TTLL11: variants seen among roughly 807,000 people sequenced by gnomAD.
TTLL11 encodes tubulin polyglutamylase TTLL11.
A neutral mutation model predicts 51.7 loss-of-function variants in TTLL11; 42 were observed. The ratio of observed to expected loss-of-function variants is 0.81; its 90% confidence interval spans 0.64 to 1.05. The LOEUF (loss-of-function observed/expected upper bound fraction) is 1.05. Among genes scored for constraint, TTLL11 ranks in the 50% least tolerant of loss-of-function variants. The pLI is 0.00. For missense variants in TTLL11, 799 were observed against 940.4 expected, an observed-to-expected ratio of 0.85 and a Z score of 1.97; for synonymous variants, 381 against 383.5, an observed-to-expected ratio of 0.99 and a Z score of 0.08.
At chr9:122,021,794 G>A (rs1195989244) in intron 3 of TTLL11, among the ~76,000 whole-genome samples, 1 of 152,004 alleles carries the variant, frequency 6.6e-6, no homozygotes, top group African/African-American at 2.4e-5. Context: ...CACCCAGCTA[G>A]AAACTCCCAG....
rs1836485997 is a variant in TTLL11, at chr9:121,818,799, G to C, written c.*3788C>G. The C allele has an allele frequency of 6.6e-6, 1 of 152,500 alleles. No individual in the cohort carries two copies. The highest frequency in any genetic ancestry group is 1.5e-5 in the Non-Finnish European group (1 of 68,282). The allele number at this position is 152,500 out of a possible 1,614,324, so 9.4% of individuals were successfully genotyped here. ...CAAACAGTCCTGGGAGCAGGGGTCG[G>C]ACAGGGGCTCAGGGAGGCTGCAGAG... On this transcript the variant is annotated 3_prime_UTR_variant, in exon 9 of 9. Transcript: ENST00000321582.
chr9:122,071,639 G>A (rs1001824972), intron 1 of TTLL11, among the ~76,000 whole-genome samples: 2 of 152,198 alleles, frequency 1.3e-5, no homozygotes, highest in Non-Finnish European at 2.9e-5. Context: ...GGATGAAGGA[G>A]AAGGTGCTTG....
At chr9:121,885,427 C>T (rs1408032124) in intron 6 of TTLL11, 4 of 152,236 alleles carry the variant, frequency 2.6e-5, no homozygotes, top group Non-Finnish European at 5.9e-5. Flanking sequence ...CAGTGGTTAA[C>T]CACAAAGGCT....
chr9:121,852,257 T>C (rs568598984), intron 8 of TTLL11, among the ~76,000 whole-genome samples: 1 of 152,330 alleles, frequency 6.6e-6, no homozygotes, highest in Non-Finnish European at 1.5e-5. Context: ...AAAGCTACTG[T>C]TTGGGCCAGG....
In TTLL11 at chr9:121,890,951, C is replaced by A. The variant is rs569532101; in HGVS notation, c.1482-20203G>T. 4.6e-5 allele frequency among the ~76,000 whole-genome samples: 7 copies of A among 152,376 alleles called. No individual in the cohort carries two copies. The highest frequency in any genetic ancestry group is 1.7e-4 in the African/African-American group (7 of 41,592). The stretch of plus-strand genomic sequence containing the variant: ...CACATTGCCCTGCCCACTAAGCCCT[C>A]CTGCTGTCTGATAGACAAAGACCCT... On this transcript the variant is annotated intron_variant, in intron 6 of 8. Coordinates refer to ENST00000321582, the MANE Select transcript of TTLL11 (RefSeq NM_001139442.2). This position sits in a 1 kb window ranked among gnomAD's most constrained non-coding sequence, Gnocchi z 4.3.
At chr9:121,946,024 T>A (rs1184681173) in intron 6 of TTLL11, among the ~76,000 whole-genome samples, 1 of 152,204 alleles carries the variant, frequency 6.6e-6, no homozygotes, top group East Asian at 1.9e-4. Context: ...CATGAATGCA[T>A]CCGATGTGGT....
rs1488352598 is a variant in TTLL11 at position 121,819,192 on chromosome 9, T to TA, written c.*3394dup. ...CTGCACTGAATCTAGCGGGTCTTTA[T>TA]AAGTATAAGCACCTATTGCAGGCTC... On this transcript the variant is annotated 3_prime_UTR_variant, in exon 9 of 9. Coordinates refer to ENST00000321582, the MANE Select transcript of TTLL11 (RefSeq NM_001139442.2). 6.6e-6 allele frequency: 1 copy of TA among 152,282 alleles called. No individual in the cohort carries two copies. The highest frequency in any genetic ancestry group is 1.5e-5 in the Non-Finnish European group (1 of 68,158). 9.4% of individuals were successfully genotyped at this position (152,282 alleles called of 1,614,324 possible).
chr9:122,032,955 C>T (rs536420668), intron 2 of TTLL11, among the ~76,000 whole-genome samples: 9 of 151,752 alleles, frequency 5.9e-5, no homozygotes, highest in African/African-American at 9.7e-5. Flanking sequence ...CCACCATGCC[C>T]GGCTAATTTT....
At chr9:121,975,804 G>A (rs1246569508) in intron 4 of TTLL11, among the ~76,000 whole-genome samples, 1 of 152,122 alleles carries the variant, frequency 6.6e-6, no homozygotes, top group Non-Finnish European at 1.5e-5. Context: ...TTTAAATAAA[G>A]CAAATTCCCC....
chr9:121,860,309 G>T, intron 8 of TTLL11, 28 bp downstream of exon 8: 1 of 1,528,526 alleles, frequency 6.5e-7, no homozygotes, highest in South Asian at 1.2e-5. Flanking sequence ...GACCCCCACA[G>T]GCCATGGCAG....
intron 7 of TTLL11, among the ~76,000 whole-genome samples, 151 bp from the exon 8 acceptor site, chr9:121,860,594 G>A (rs1837975735): frequency 6.6e-6 from 1 of 152,202 alleles, no homozygotes; most frequent in African/African-American, 2.4e-5. Context: ...AGGAGGTGGG[G>A]CCTCTGACAG....
chr9:121,830,470 A>G (rs1244071103), intron 8 of TTLL11, among the ~76,000 whole-genome samples: 1 of 152,230 alleles, frequency 6.6e-6, no homozygotes, highest in East Asian at 1.9e-4. Context: ...GCCCATCTGC[A>G]AAGCGGGGCT....
At chr9:121,840,096 C>T (rs970860081) in intron 8 of TTLL11, among the ~76,000 whole-genome samples, 5 of 138,776 alleles carry the variant, frequency 3.6e-5, no homozygotes, top group Admixed American at 3.5e-4. Flanking sequence ...TGCATCGAAT[C>T]ACCCAAAACA....
intron 3 of TTLL11, among the ~76,000 whole-genome samples, chr9:122,020,723 G>A (rs908490672): frequency 1.6e-4 from 25 of 152,304 alleles, no homozygotes; most frequent in African/African-American, 5.8e-4. Flanking sequence ...GACCCCACAC[G>A]ATGGGACTAG....
rs190242701 is a variant in TTLL11, at chr9:121,859,176, G to T, written c.1840+1161C>A. Among the ~76,000 whole-genome samples the T allele has an allele frequency of 1.7e-3, 210 of 126,134 alleles. 1 individual carries two copies. The highest frequency in any genetic ancestry group is 1.1e-3 in the Non-Finnish European group (65 of 59,996). The allele number at this position is 126,134 out of a possible 152,430, so 82.7% of individuals were successfully genotyped here. A position where few individuals can be genotyped will look rare whatever the true frequency, so the allele number is the denominator to read the frequency against. On this transcript the variant is annotated intron_variant, in intron 8 of 8. Transcript: ENST00000321582. ...ATGAGCTGTACAAATATCAGTTATG[G>T]TTATTATAATTTTTTTAGAAAAACA...
At chr9:121,896,533 T>C (rs1348335163) in intron 6 of TTLL11, among the ~76,000 whole-genome samples, 1 of 152,192 alleles carries the variant, frequency 6.6e-6, no homozygotes, top group African/African-American at 2.4e-5. Flanking sequence ...GCCCTCTTTC[T>C]CCTGGAAATC....
chr9:121,936,045 G>A (rs1326811752), intron 6 of TTLL11, among the ~76,000 whole-genome samples: 1 of 152,148 alleles, frequency 6.6e-6, no homozygotes, highest in East Asian at 1.9e-4. Flanking sequence ...ACTGCCAAAA[G>A]GAAATACTCT....
In TTLL11 at chr9:121,873,901, T is replaced by C. The variant is rs1386326002; in HGVS notation, c.1482-3153A>G. On this transcript the variant is annotated intron_variant, in intron 6 of 8. Transcript: ENST00000321582. The stretch of plus-strand genomic sequence containing the variant: ...TCACCCAGGCTGGAGTGTAGTGGCG[T>C]GATCTTGGCTCACTGCCACTGCAAC... Among the ~76,000 whole-genome samples, 3 of 141,620 alleles carry C rather than the reference T, an allele frequency of 2.1e-5. No homozygotes were observed. The East Asian group carries it at 6.7e-4, about 32-fold the overall frequency. 92.9% of individuals were successfully genotyped at this position (141,620 alleles called of 152,430 possible).
chr9:121,889,854 C>G (rs572079604), intron 6 of TTLL11, among the ~76,000 whole-genome samples: 1 of 150,614 alleles, frequency 6.6e-6, no homozygotes, highest in Non-Finnish European at 1.5e-5. Context: ...GAGCCAAGAT[C>G]GCACCACTAT....
Sources: allele counts gnomAD v4.1 joint callset (sites outside exome capture counted in the v4.1 genomes callset), GRCh38; gene constraint gnomAD v4.1.1; non-coding constraint Gnocchi (gnomAD v3.1); transcripts MANE v1.5; gene names NCBI Gene and HGNC (gene_info 2026-07-23, HGNC 2026-07-21).